TNRC6B: variants seen among roughly 807,000 people sequenced by gnomAD.
TNRC6B encodes the protein trinucleotide repeat-containing gene 6B protein.
A neutral mutation model predicts 203.6 loss-of-function variants in TNRC6B; 52 were observed. That is an observed-to-expected ratio of 0.26 (90% CI 0.20 to 0.32). The LOEUF (loss-of-function observed/expected upper bound fraction) is 0.32, where lower values mean the gene tolerates loss of function less well. Ranked by LOEUF, TNRC6B falls within the 10% of genes least tolerant of loss-of-function variation. TNRC6B has a pLI of 1.00. For missense variants in TNRC6B, 1,923 were observed against 2,286.2 expected (o/e 0.84, Z 3.24); for synonymous variants, 838 against 845.7 (o/e 0.99, Z 0.16).
At chr22:40,151,400 C>A (rs913365958) in intron 3 of TNRC6B, among the ~76,000 whole-genome samples, 6 of 150,358 alleles carry the variant, frequency 4.0e-5, no homozygotes, top group Non-Finnish European at 7.4e-5. Context: ...CCCATCTCTA[C>A]TAAAAATGCA....
At chr22:40,052,444 ATTTTTTTTTT>A (rs908013463) in intron 1 of TNRC6B, among the ~76,000 whole-genome samples, 29 of 51,860 alleles carry the variant, frequency 5.6e-4, no homozygotes, top group South Asian at 1.7e-3. Context: ...TGTGTATTGT[ATTTTTTTTTT>A]TTTTTTTTTT....
Position 40,306,119 on chromosome 22 carries a change from C to T in TNRC6B, c.4121-2393C>T, listed in dbSNP as rs201999087. Among the ~76,000 whole-genome samples the T allele has an allele frequency of 2.3e-3, 356 of 152,014 alleles. 3 individuals are homozygous for T. The East Asian group carries it at 0.033, about 14-fold the overall frequency. Reference sequence around the variant, plus strand: ...CATCCTGGCTAACACGATGAAACCCCGTCTCTACTAAAAATACAAAAAAAA... The same window carrying T: ...CATCCTGGCTAACACGATGAAACCCTGTCTCTACTAAAAATACAAAAAAAA... On this transcript the variant is annotated intron_variant, in intron 15 of 22. Coordinates refer to ENST00000454349, the MANE Select transcript of TNRC6B (RefSeq NM_001162501.2).
intron 12 of TNRC6B, among the ~76,000 whole-genome samples, chr22:40,299,919 CG>C (rs1424653871): frequency 1.3e-5 from 2 of 152,226 alleles, no homozygotes; most frequent in Admixed American, 1.3e-4. Flanking sequence ...AGGACCCTGC[CG>C]GGTCAGTGAC....
chr22:40,090,584 A>G (rs1431265667), intron 1 of TNRC6B, among the ~76,000 whole-genome samples: 1 of 152,070 alleles, frequency 6.6e-6, no homozygotes, highest in Non-Finnish European at 1.5e-5. Flanking sequence ...ATTTTGGATA[A>G]CAGTCCTTTA....
chr22:40,293,123 G>T (rs1367842935), intron 12 of TNRC6B, among the ~76,000 whole-genome samples: 1 of 147,388 alleles, frequency 6.8e-6, no homozygotes, highest in African/African-American at 2.5e-5. Flanking sequence ...CAGGTCTACT[G>T]TTCATAGACA....
chr22:40,298,704 C>A (rs550329102), intron 12 of TNRC6B, among the ~76,000 whole-genome samples: 1 of 151,270 alleles, frequency 6.6e-6, no homozygotes, highest in Non-Finnish European at 1.5e-5. Flanking sequence ...CGGTGGCTCA[C>A]GCCTGTAATC....
chr22:40,217,627 C>T (rs2069652588), intron 1 of TNRC6B, among the ~76,000 whole-genome samples: 1 of 152,166 alleles, frequency 6.6e-6, no homozygotes, highest in Non-Finnish European at 1.5e-5. Context: ...AAAAAGATGC[C>T]TCAGCACTGG....
At chr22:40,312,471 C>T (rs1294490525) in intron 17 of TNRC6B, 34 bp from the exon 18 acceptor site, 4 of 1,579,602 alleles carry the variant, frequency 2.5e-6, no homozygotes, top group Admixed American at 1.9e-5. Context: ...TTTTAACGAC[C>T]TTCCTTCTCT....
intron 11 of TNRC6B, among the ~76,000 whole-genome samples, chr22:40,283,520 A>C (rs191522752): frequency 1.3e-5 from 2 of 152,298 alleles, no homozygotes; most frequent in East Asian, 3.9e-4. Flanking sequence ...AATCTGTATG[A>C]TTGCCCCTGA....
In TNRC6B at chr22:40,187,505, A is replaced by G. The variant is rs2069218951; in HGVS notation, c.5+9365A>G. Among the ~76,000 whole-genome samples the G allele has an allele frequency of 4.6e-5, 7 of 152,140 alleles. No homozygotes were observed. In the South Asian group the frequency reaches 1.5e-3, roughly 32 times the overall value. ...TGCTTGGTGCAGAGGCTTACACTTA[A>G]AAACAGATCCAGCAGGAGGGGTGGG... On this transcript the variant is annotated intron_variant, in intron 1 of 22. Transcript: ENST00000454349.
intron 21 of TNRC6B, 37 bp downstream of exon 21, chr22:40,316,049 T>C (rs1300952396): frequency 3.1e-5 from 49 of 1,585,058 alleles, no homozygotes; most frequent in Non-Finnish European, 4.2e-5. Flanking sequence ...AGATAGGACT[T>C]GATTGTATTA....
At chr22:40,050,712 G>T (rs2067737118) in intron 1 of TNRC6B, among the ~76,000 whole-genome samples, 1 of 152,122 alleles carries the variant, frequency 6.6e-6, no homozygotes, top group Admixed American at 6.5e-5. Context: ...TATCTCCAGA[G>T]CCTGGCCAAG....
chr22:40,277,892 C>A, intron 8 of TNRC6B, 107 bp from the exon 9 acceptor site: 1 of 800,750 alleles, frequency 1.2e-6, no homozygotes, highest in Non-Finnish European at 2.1e-6. Context: ...TTCAGAGAAC[C>A]TTCTATGGTG....
intron 16 of TNRC6B, 116 bp downstream of exon 16, chr22:40,308,765 A>C: frequency 8.0e-7 from 1 of 1,248,380 alleles, no homozygotes; most frequent in South Asian, 1.5e-5. Flanking sequence ...GAATCCTATG[A>C]TTGCCTGTGG....
chr22:40,315,772 G>T (rs1253954000), intron 20 of TNRC6B, among the ~76,000 whole-genome samples, 170 bp from the exon 21 acceptor site: 2 of 152,198 alleles, frequency 1.3e-5, no homozygotes, highest in Non-Finnish European at 2.9e-5. Flanking sequence ...GCATAAAAGT[G>T]CATAGGAGTC....
intron 21 of TNRC6B, among the ~76,000 whole-genome samples, chr22:40,319,081 A>C (rs2071299786): frequency 1.3e-5 from 2 of 152,180 alleles, no homozygotes; most frequent in African/African-American, 4.8e-5. Context: ...AAAGAAAAAA[A>C]TGTTAATTAT....
chr22:40,126,015 A>C (rs949773251), intron 3 of TNRC6B, among the ~76,000 whole-genome samples: 4 of 152,224 alleles, frequency 2.6e-5, no homozygotes, highest in African/African-American at 9.6e-5. Context: ...TTTTCTTTTC[A>C]GTATACTTTT....
chr22:40,301,529 T>C (rs563073760), intron 15 of TNRC6B, 196 bp downstream of exon 15: 19 of 604,518 alleles, frequency 3.1e-5, no homozygotes, highest in South Asian at 1.9e-4. Flanking sequence ...ACATGGTTAC[T>C]AAATAGCAGA....
At position 40,285,693 on chromosome 22, in the gene TNRC6B, C is replaced by G; in HGVS notation, c.3631C>G (p.Leu1211Val). ...AAACAGCACAGCACAATCGAGAGGT[C>G]TGCACACACCCGTGCAGCCACTAAA... ...FGNSTAQSRG[L>V]HTPVQPLNSS... Residue 1211 changes from leucine to valine, a missense_variant, in exon 12 of 23, where the codon CTG becomes GTG. Coordinates refer to ENST00000454349, the MANE Select transcript of TNRC6B (RefSeq NM_001162501.2). The G allele has an allele frequency of 6.2e-7, 1 of 1,614,002 alleles. No homozygotes were observed. Among genetic ancestry groups the G allele is most frequent in the African/African-American group, 1.3e-5 (1 of 75,048 alleles).
Sources: gnomAD v4.1 joint callset for allele counts (sites outside exome capture counted in the v4.1 genomes callset) on GRCh38, gnomAD v4.1.1 for gene constraint, MANE v1.5 for transcripts, NCBI Gene and HGNC (gene_info 2026-07-23, HGNC 2026-07-21) for gene names.